Variants in KSR2 observed in about 807,000 individuals in gnomAD.
KSR2 encodes kinase suppressor of ras 2.
Under a neutral mutation model 107.8 loss-of-function variants are expected in KSR2, and 25 were observed. The observed-to-expected ratio is 0.23, with a 90% CI of 0.17 to 0.32. The LOEUF is 0.32. KSR2 is among the 10% of genes least tolerant of loss of function. The probability of loss-of-function intolerance (pLI) is 1.00; values close to 1 mark genes in which losing one functional copy is unlikely to be tolerated. For synonymous variants in KSR2, 480 were observed against 507.0 expected (o/e 0.95, Z 0.71); for missense variants, 887 against 1,268.9 (o/e 0.70, Z 4.57).
At chr12:117,743,733 A>C (rs1472654533) in intron 4 of KSR2, among the ~76,000 whole-genome samples, 1 of 151,946 alleles carries the variant, frequency 6.6e-6, no homozygotes, top group Non-Finnish European at 1.5e-5. Flanking sequence ...GAACTTTTAC[A>C]CTCTCCTACT....
chr12:117,840,143 G>C (rs1482063541), intron 3 of KSR2, among the ~76,000 whole-genome samples: 5 of 148,926 alleles, frequency 3.4e-5, no homozygotes, highest in Non-Finnish European at 7.4e-5. Flanking sequence ...CTGTCACCCA[G>C]GCCAGAGTGC....
chr12:117,516,169 G>T (rs1874365323), intron 14 of KSR2, among the ~76,000 whole-genome samples: 1 of 152,114 alleles, frequency 6.6e-6, no homozygotes, highest in Non-Finnish European at 1.5e-5. Flanking sequence ...TTCCCCAGAT[G>T]ACCTCAGCTT....
At chr12:117,665,150 A>G (rs1301519299) in intron 5 of KSR2, among the ~76,000 whole-genome samples, 2 of 151,912 alleles carry the variant, frequency 1.3e-5, no homozygotes, top group Non-Finnish European at 2.9e-5. Context: ...AAGAACCAAG[A>G]CTGTCCAAGG....
intron 5 of KSR2, among the ~76,000 whole-genome samples, chr12:117,641,715 T>TG (rs1883366819): frequency 6.6e-6 from 1 of 152,094 alleles, no homozygotes; most frequent in East Asian, 1.9e-4. Context: ...TCTTTTTTAA[T>TG]GGGGGGCACA....
chr12:117,485,650 G>A lies in KSR2; in HGVS notation c.2261C>T (p.Ala754Val). 6.2e-7 allele frequency: 1 copy of A among 1,613,560 alleles called. No individual in the cohort carries two copies. Among genetic ancestry groups the A allele is most frequent in the Non-Finnish European group, 8.5e-7 (1 of 1,179,602 alleles). ...TTTGTTGACATCCAAAACGATTTTG[G>A]CATCCCTCACAACGGAATAGAGCGT... ...GRTLYSVVRDAKIVLDVNKTR... is the reference protein window; with the variant it reads ...GRTLYSVVRDVKIVLDVNKTR... Residue 754 changes from alanine to valine, a missense_variant, in exon 15 of 20, where the codon GCC becomes GTC. Ala to Val is a moderately conservative substitution (Grantham distance 64). Coordinates refer to ENST00000339824, the MANE Select transcript of KSR2 (RefSeq NM_173598.6).
At chr12:117,551,194 TC>T (rs1171870976) in intron 9 of KSR2, among the ~76,000 whole-genome samples, 1 of 151,974 alleles carries the variant, frequency 6.6e-6, no homozygotes, top group African/African-American at 2.4e-5. Flanking sequence ...TTCTCCTCCT[TC>T]CCCCTCCTCC....
At chr12:117,867,317 A>T (rs75597510) in intron 1 of KSR2, among the ~76,000 whole-genome samples, 86 of 142,832 alleles carry the variant, frequency 6.0e-4, no homozygotes, top group Admixed American at 9.7e-4. Context: ...CCTTGTATTT[A>T]AAAAAAAAAA....
intron 1 of KSR2, among the ~76,000 whole-genome samples, chr12:117,914,347 C>T (rs1235700576): frequency 4.7e-5 from 7 of 150,252 alleles, no homozygotes; most frequent in East Asian, 4.0e-4. Flanking sequence ...GAGAATCGCT[C>T]GAACCCAGGA....
intron 5 of KSR2, among the ~76,000 whole-genome samples, chr12:117,609,015 A>T (rs1394922173): frequency 1.3e-5 from 2 of 152,022 alleles, no homozygotes; most frequent in South Asian, 2.1e-4. Flanking sequence ...TCCCTTACTC[A>T]TATTCCCCTT....
chr12:117,583,806 G>A (rs1449959293), intron 5 of KSR2, among the ~76,000 whole-genome samples: 1 of 152,088 alleles, frequency 6.6e-6, no homozygotes. Context: ...GACAGGGAGA[G>A]AAGAAGCAAG....
chr12:117,891,035 G>A (rs866807439), intron 1 of KSR2: 1 of 152,148 alleles, frequency 6.6e-6, no homozygotes, highest in African/African-American at 2.4e-5. Context: ...CAGAATAAAG[G>A]CAGTAGGGGA....
rs1254791458 is a variant in KSR2, at chr12:117,794,104, ACT to A, written c.473-32582_473-32581del. Among the ~76,000 whole-genome samples, 312 of 117,242 alleles carry A rather than the reference ACT, an allele frequency of 2.7e-3. 23 individuals carry two copies. Among genetic ancestry groups the A allele is most frequent in the Middle Eastern group, 6.3e-3 (1 of 158 alleles). The allele number at this position is 117,242 out of a possible 152,430, so 76.9% of individuals were successfully genotyped here. A position where few individuals can be genotyped will look rare whatever the true frequency, so the allele number is the denominator to read the frequency against. ...CATGCACACTCACACCAACATGCACACTCACACCAACATGCACACTCACACCA... is the reference window on the plus strand; with the variant it reads ...CATGCACACTCACACCAACATGCACACACACCAACATGCACACTCACACCA... On this transcript the variant is annotated intron_variant, in intron 3 of 19. Transcript: ENST00000339824.
intron 3 of KSR2, among the ~76,000 whole-genome samples, chr12:117,766,048 C>G (rs1889213030): frequency 6.6e-6 from 1 of 152,172 alleles, no homozygotes; most frequent in Non-Finnish European, 1.5e-5. Flanking sequence ...GCAGTTCCAT[C>G]CTAGGTACAG....
At chr12:117,818,403 C>G (rs1341054427) in intron 3 of KSR2, among the ~76,000 whole-genome samples, 2 of 152,142 alleles carry the variant, frequency 1.3e-5, no homozygotes, top group Non-Finnish European at 2.9e-5. Context: ...CTTAACCTCT[C>G]TCCCTCAACT....
At chr12:117,896,985 T>C (rs148871893) in intron 1 of KSR2, among the ~76,000 whole-genome samples, 21 of 152,232 alleles carry the variant, frequency 1.4e-4, no homozygotes, top group African/African-American at 4.3e-4. Context: ...TGGAAAAGCC[T>C]GACAAGACAG....
At chr12:117,849,206 T>C (rs913319552) in intron 3 of KSR2, among the ~76,000 whole-genome samples, 2 of 152,286 alleles carry the variant, frequency 1.3e-5, no homozygotes, top group East Asian at 3.9e-4. Context: ...CCAACCCCGC[T>C]TAGCCTGCTG....
chr12:117,913,260 G>T (rs1176681721), intron 1 of KSR2, among the ~76,000 whole-genome samples: 1 of 152,132 alleles, frequency 6.6e-6, no homozygotes, highest in Non-Finnish European at 1.5e-5. Flanking sequence ...TCATGTGTCA[G>T]TGTGTTAAGG....
chr12:117,968,029 CTTTTTTTTTTTTTTTTT>C lies in KSR2; in HGVS notation c.180+30_180+46del, dbSNP rs34834989. 393 of 678,630 alleles carry C rather than the reference CTTTTTTTTTTTTTTTTT, an allele frequency of 5.8e-4. 4 individuals carry two copies. The African/African-American group carries it at 6.7e-3, about 12-fold the overall frequency. 42.0% of individuals were successfully genotyped at this position (678,630 alleles called of 1,614,324 possible). The stretch of plus-strand genomic sequence containing the variant: ...AGAAAGGAGGGGGAAAGAAGGATTG[CTTTTTTTTTTTTTTTTT>C]TTTTTTTTTTTCCCGTAGGCAACAC... On this transcript the variant is annotated intron_variant, in intron 1 of 19. Transcript: ENST00000339824.
intron 5 of KSR2, among the ~76,000 whole-genome samples, chr12:117,653,046 A>T (rs1297049764): frequency 6.6e-6 from 1 of 152,170 alleles, no homozygotes; most frequent in Non-Finnish European, 1.5e-5. Context: ...CAAAAACAAT[A>T]TTGCATCCCT....
Sources: allele counts gnomAD v4.1 joint callset (sites outside exome capture counted in the v4.1 genomes callset), GRCh38; gene constraint gnomAD v4.1.1; transcripts MANE v1.5; gene names NCBI Gene and HGNC (gene_info 2026-07-23, HGNC 2026-07-21).